PPP1R9A: variants seen among roughly 807,000 people sequenced by gnomAD.
PPP1R9A encodes neurabin-1.
PPP1R9A carries 59 observed loss-of-function variants against 141.9 expected under a neutral mutation model. The ratio of observed to expected loss-of-function variants is 0.42; its 90% CI spans 0.34 to 0.52. The LOEUF (loss-of-function observed/expected upper bound fraction) is 0.52, where lower values mean the gene tolerates loss of function less well. PPP1R9A is among the 20% of genes least tolerant of loss of function. The pLI is 0.10. For missense variants in PPP1R9A, 1,444 were observed against 1,611.9 expected (o/e 0.90, Z 1.78); for synonymous variants, 500 against 569.7 (o/e 0.88, Z 1.74).
chr7:95,173,095 G>A (rs1397896523), intron 5 of PPP1R9A, among the ~76,000 whole-genome samples: 1 of 151,818 alleles, frequency 6.6e-6, no homozygotes, highest in Non-Finnish European at 1.5e-5. Context: ...AACCCTAATT[G>A]CAGCAGCTAG....
chr7:94,918,812 A>G (rs958744081), intron 2 of PPP1R9A, among the ~76,000 whole-genome samples: 6 of 152,218 alleles, frequency 3.9e-5, no homozygotes, highest in Non-Finnish European at 8.8e-5. Flanking sequence ...TATCAAAAGG[A>G]TAGCACACTA....
chr7:95,044,450 G>A (rs1427683651), intron 2 of PPP1R9A, among the ~76,000 whole-genome samples: 1 of 151,870 alleles, frequency 6.6e-6, no homozygotes, highest in Non-Finnish European at 1.5e-5. Flanking sequence ...AACTTGAAAG[G>A]GTCTAATGAG....
At position 94,910,828 on chromosome 7, in the gene PPP1R9A, C is replaced by T; in HGVS notation, c.715C>T (p.Pro239Ser). The stretch of plus-strand genomic sequence containing the variant: ...GACTGGGCATTATCCCTTGAATTTA[C>T]CATCTGTTACTGTTACAAATCTTGA... Reference protein sequence around the residue: ...SVTGHYPLNLPSVTVTNLDTF... With the variant: ...SVTGHYPLNLSSVTVTNLDTF... The change falls in exon 2 of 20, where the codon CCA becomes TCA. Residue 239 changes from proline to serine, a missense_variant. Physicochemically the swap from Pro to Ser is moderately conservative, Grantham distance 74. Transcript: ENST00000433360. This position sits in a 1 kb window ranked among gnomAD's most constrained non-coding sequence, Gnocchi z 4.5. 6.2e-7 allele frequency: 1 copy of T among 1,613,846 alleles called. No homozygotes were observed. The highest frequency in any genetic ancestry group is 8.5e-7 in the Non-Finnish European group (1 of 1,179,982).
intron 2 of PPP1R9A, among the ~76,000 whole-genome samples, chr7:95,063,461 A>G (rs1467456420): frequency 3.9e-5 from 6 of 152,104 alleles, no homozygotes; most frequent in African/African-American, 1.4e-4. Flanking sequence ...GCTACTTGGG[A>G]ATTTGAGACA....
rs1440196521 is a variant in PPP1R9A, at chr7:95,203,667, C to T, written c.1893C>T (p.Asn631=). 4.6e-6 allele frequency: 7 copies of T among 1,535,888 alleles called. No individual in the cohort carries two copies. The highest frequency in any genetic ancestry group is 1.2e-5 in the South Asian group (1 of 83,926). The change falls in exon 7 of 20, where the codon AAC becomes AAT. Residue 631 remains asparagine, a splice_region_variant and synonymous_variant. Transcript: ENST00000433360. ...ATATTTTTTGTCAACCATTTTAGAACACTGTGGCTGAATTGCAAGGAATGT... is the reference window on the plus strand; with the variant it reads ...ATATTTTTTGTCAACCATTTTAGAATACTGTGGCTGAATTGCAAGGAATGT... ...YAQYDADDDE[N]TVAELQGMSG...
At chr7:95,182,316 G>A (rs1235018152) in intron 5 of PPP1R9A, among the ~76,000 whole-genome samples, 1 of 152,084 alleles carries the variant, frequency 6.6e-6, no homozygotes. Context: ...TCCAGCCTGG[G>A]CAACAGAATG....
rs139131124 is a variant in PPP1R9A, at chr7:94,947,021, C to G, written c.1395+35513C>G. On this transcript the variant is annotated intron_variant, in intron 2 of 19. Transcript: ENST00000433360. ...CTTTTATTATTGTTATTAGTAAATA[C>G]TAAAAGCCCAATGGTCAGACATTCT... is the stretch of plus-strand genomic sequence containing the variant. 3.8e-3 allele frequency among the ~76,000 whole-genome samples: 576 copies of G among 152,252 alleles called. 2 individuals carry two copies. The highest frequency in any genetic ancestry group is 0.013 in the African/African-American group (539 of 41,562).
chr7:94,939,181 C>G (rs1795071060), intron 2 of PPP1R9A, among the ~76,000 whole-genome samples: 1 of 152,036 alleles, frequency 6.6e-6, no homozygotes, highest in South Asian at 2.1e-4. Context: ...TAAATGTCTT[C>G]CCAGCCTCAT....
At chr7:95,029,178 G>A (rs996503169) in intron 2 of PPP1R9A, among the ~76,000 whole-genome samples, 16 of 152,112 alleles carry the variant, frequency 1.1e-4, no homozygotes, top group African/African-American at 3.9e-4. Flanking sequence ...TACTTTCCTT[G>A]TTCACACTGT....
intron 8 of PPP1R9A, among the ~76,000 whole-genome samples, chr7:95,233,336 A>C (rs774195515): frequency 6.7e-6 from 1 of 149,072 alleles, no homozygotes; most frequent in Non-Finnish European, 1.5e-5. Context: ...ATATGGGCAC[A>C]GGGAGGGGAA....
chr7:95,071,150 C>T (rs774715938), intron 2 of PPP1R9A, among the ~76,000 whole-genome samples: 9 of 151,822 alleles, frequency 5.9e-5, no homozygotes, highest in African/African-American at 9.7e-5. Flanking sequence ...CATGCTATCA[C>T]GGTGTCTGTC....
Position 95,252,007 on chromosome 7 carries a change from A to G in PPP1R9A, c.2542A>G (p.Thr848Ala), listed in dbSNP as rs767632511. The G allele has an allele frequency of 3.1e-6, 5 of 1,612,590 alleles. No homozygotes were observed. The highest frequency in any genetic ancestry group is 1.7e-5 in the Admixed American group (1 of 59,704). Residue 848 changes from threonine to alanine, a missense_variant, in exon 12 of 20, where the codon ACT (threonine) becomes GCT (alanine). By Grantham distance (58) the Thr-to-Ala change is moderately conservative. Coordinates refer to ENST00000433360, the MANE Select transcript of PPP1R9A (RefSeq NM_001166160.2). The stretch of plus-strand genomic sequence containing the variant: ...ATTCAGGCTACTGAAGCAAAATGGG[A>G]CTCAAGTTAACAATAATAACAACAT... ...EVFRLLKQNG[T>A]QVNNNNNIFE...
chr7:95,121,636 T>A (rs1563267263), intron 4 of PPP1R9A, among the ~76,000 whole-genome samples: 1 of 152,142 alleles, frequency 6.6e-6, no homozygotes, highest in Non-Finnish European at 1.5e-5. Context: ...GGGTAATTTA[T>A]AATGAACATA....
At chr7:94,929,248 G>C (rs1289947753) in intron 2 of PPP1R9A, among the ~76,000 whole-genome samples, 1 of 152,166 alleles carries the variant, frequency 6.6e-6, no homozygotes, top group Non-Finnish European at 1.5e-5. Flanking sequence ...CATCTCCCAA[G>C]GAGCTTGAAT....
intron 2 of PPP1R9A, among the ~76,000 whole-genome samples, chr7:94,961,927 C>T (rs1659157755): frequency 6.6e-6 from 1 of 151,700 alleles, no homozygotes; most frequent in African/African-American, 2.4e-5. Flanking sequence ...TATTTCAATG[C>T]CTACTATGTG....
At chr7:95,264,008 G>C (rs888311426) in intron 12 of PPP1R9A, among the ~76,000 whole-genome samples, 1 of 152,140 alleles carries the variant, frequency 6.6e-6, no homozygotes, top group African/African-American at 2.4e-5. Context: ...ACAGAGGTTA[G>C]ATAAATTGCC....
intron 2 of PPP1R9A, among the ~76,000 whole-genome samples, chr7:94,912,651 A>T (rs1371954519): frequency 1.3e-5 from 2 of 152,218 alleles, no homozygotes; most frequent in Non-Finnish European, 2.9e-5. Context: ...TTAAAGAGAA[A>T]TCTGACATTG....
At chr7:95,253,033 A>G (rs1585475111) in intron 12 of PPP1R9A, among the ~76,000 whole-genome samples, 1 of 152,326 alleles carries the variant, frequency 6.6e-6, no homozygotes, top group Non-Finnish European at 1.5e-5. Flanking sequence ...TACACACACA[A>G]CATTCTTAGA....
At position 95,161,980 on chromosome 7, in the gene PPP1R9A, G is replaced by T. The variant is rs377079893; in HGVS notation, c.1754+9G>T. 1 of 1,563,996 alleles carries T rather than the reference G, an allele frequency of 6.4e-7. No homozygotes were observed. On this transcript the variant is annotated intron_variant, in intron 5 of 19. Coordinates refer to ENST00000433360, the MANE Select transcript of PPP1R9A (RefSeq NM_001166160.2). ...ACCAAGGGCAACGTCAGGTAAATAC[G>T]TGCCTTCTAATATACACCATGTTGT... is the stretch of plus-strand genomic sequence containing the variant.
Sources: allele counts gnomAD v4.1 joint callset (sites outside exome capture counted in the v4.1 genomes callset), GRCh38; gene constraint gnomAD v4.1.1; non-coding constraint Gnocchi (gnomAD v3.1); transcripts MANE v1.5; gene names NCBI Gene and HGNC (gene_info 2026-07-23, HGNC 2026-07-21).